SDK1: variants seen among roughly 807,000 people sequenced by gnomAD.
SDK1 encodes the protein protein sidekick-1.
Under a neutral mutation model 245.5 loss-of-function variants are expected in SDK1, and 157 were observed. The ratio of observed to expected loss-of-function variants is 0.64; its 90% CI spans 0.56 to 0.73. SDK1 has a LOEUF of 0.73. Ranked by LOEUF, SDK1 falls within the 30% of genes least tolerant of loss-of-function variation. The probability of loss-of-function intolerance (pLI) is 0.00; values close to 1 mark genes in which losing one functional copy is unlikely to be tolerated. For missense variants in SDK1, 3,583 were observed against 3,002.3 expected (o/e 1.19, Z -4.52); for synonymous variants, 1,647 against 1,278.5 (o/e 1.29, Z -6.15).
intron 1 of SDK1, among the ~76,000 whole-genome samples, chr7:3,331,942 T>TA (rs1318502884): frequency 6.6e-6 from 1 of 152,216 alleles, no homozygotes; most frequent in Non-Finnish European, 1.5e-5. Context: ...AAACATTAGT[T>TA]ACTGCTTACT....
At chr7:4,242,668 G>C (rs1039262301) in intron 43 of SDK1, among the ~76,000 whole-genome samples, 1 of 152,210 alleles carries the variant, frequency 6.6e-6, no homozygotes, top group African/African-American at 2.4e-5. Flanking sequence ...CAGCATCGGG[G>C]TGGAGGAGGC....
chr7:3,535,156 A>G (rs1197116720), intron 1 of SDK1, among the ~76,000 whole-genome samples: 2 of 152,078 alleles, frequency 1.3e-5, no homozygotes, highest in Non-Finnish European at 2.9e-5. Context: ...CGCACCTGTA[A>G]TCCCAGCTAC....
At chr7:3,568,359 T>G (rs1779993776) in intron 1 of SDK1, among the ~76,000 whole-genome samples, 1 of 152,218 alleles carries the variant, frequency 6.6e-6, no homozygotes, top group African/African-American at 2.4e-5. Flanking sequence ...GTGTTCCCAC[T>G]GCTCTTTTTC....
intron 1 of SDK1, among the ~76,000 whole-genome samples, chr7:3,492,922 G>A (rs1781907384): frequency 6.6e-6 from 1 of 152,112 alleles, no homozygotes; most frequent in South Asian, 2.1e-4. Context: ...TGCATGTACT[G>A]TATTCAAAGA....
chr7:3,509,067 G>GGTGTGTGTGT (rs911519846), intron 1 of SDK1, among the ~76,000 whole-genome samples: 1 of 143,410 alleles, frequency 7.0e-6, no homozygotes, highest in African/African-American at 2.7e-5. Flanking sequence ...AGGAAGGTGG[G>GGTGTGTGTGT]GTGTGTGTGT....
In SDK1 at chr7:4,265,896, C is replaced by T; in HGVS notation, c.*512C>T. ...TGAAGAGCAAACGTTTTTCCCTGGG[C>T]TCAGTGCGTTTTGTCCCAACTTCAT... On this transcript the variant is annotated 3_prime_UTR_variant, in exon 45 of 45. Coordinates refer to ENST00000404826, the MANE Select transcript of SDK1 (RefSeq NM_152744.4). 1.0e-6 allele frequency: 1 copy of T among 986,672 alleles called. No homozygotes were observed. The highest frequency in any genetic ancestry group is 1.2e-6 in the Non-Finnish European group (1 of 830,866). 61.1% of individuals were successfully genotyped at this position (986,672 alleles called of 1,614,324 possible). A position where few individuals can be genotyped will look rare whatever the true frequency, so the allele number is the denominator to read the frequency against.
At chr7:3,397,416 T>A (rs562900930) in intron 1 of SDK1, among the ~76,000 whole-genome samples, 64 of 151,948 alleles carry the variant, frequency 4.2e-4, no homozygotes, top group Non-Finnish European at 7.4e-4. Flanking sequence ...TGGGAATATT[T>A]TAATTTTCGT....
intron 4 of SDK1, among the ~76,000 whole-genome samples, chr7:3,748,046 C>A (rs1403410795): frequency 6.6e-6 from 1 of 151,792 alleles, no homozygotes; most frequent in African/African-American, 2.4e-5. Flanking sequence ...ATCACAGTTA[C>A]TATATGTGTT....
intron 5 of SDK1, among the ~76,000 whole-genome samples, chr7:3,831,912 G>A (rs1433319633): frequency 1.3e-5 from 2 of 152,080 alleles, no homozygotes; most frequent in Non-Finnish European, 2.9e-5. Flanking sequence ...CGTGCCAGGT[G>A]TGGTAGTGCA....
chr7:3,748,239 A>G (rs1008130484), intron 4 of SDK1, among the ~76,000 whole-genome samples: 4 of 152,148 alleles, frequency 2.6e-5, no homozygotes, highest in Non-Finnish European at 5.9e-5. Flanking sequence ...TGAACTCTAA[A>G]TTGTTTTTAC....
At chr7:3,672,849 A>ACCTAC (rs1228090958) in intron 4 of SDK1, among the ~76,000 whole-genome samples, 2 of 137,504 alleles carry the variant, frequency 1.5e-5, no homozygotes, top group Non-Finnish European at 3.1e-5. Context: ...CAAAATAGGC[A>ACCTAC]CCTACAATGA....
At chr7:3,553,333 C>G (rs1221381050) in intron 1 of SDK1, among the ~76,000 whole-genome samples, 4 of 152,160 alleles carry the variant, frequency 2.6e-5, no homozygotes, top group African/African-American at 7.2e-5. Flanking sequence ...AGACTTCTAG[C>G]TTGGACAAAA....
chr7:3,550,136 ATG>A (rs2128622835), intron 1 of SDK1, among the ~76,000 whole-genome samples: 1 of 152,278 alleles, frequency 6.6e-6, no homozygotes, highest in Non-Finnish European at 1.5e-5. Flanking sequence ...ACATATTAAT[ATG>A]TGTCTATCTC....
At chr7:3,367,425 C>T (rs942806782) in intron 1 of SDK1, among the ~76,000 whole-genome samples, 3 of 152,308 alleles carry the variant, frequency 2.0e-5, no homozygotes, top group African/African-American at 7.2e-5. Context: ...AGCCAACTGT[C>T]ACAGGGCATC....
At chr7:3,559,031 A>G (rs552535221) in intron 1 of SDK1, among the ~76,000 whole-genome samples, 1 of 152,204 alleles carries the variant, frequency 6.6e-6, no homozygotes, top group Non-Finnish European at 1.5e-5. Context: ...ATCCTGTTGC[A>G]TACAGGATGT....
intron 1 of SDK1, among the ~76,000 whole-genome samples, chr7:3,432,275 T>A (rs1473948863): frequency 6.6e-6 from 1 of 151,896 alleles, no homozygotes; most frequent in Non-Finnish European, 1.5e-5. Context: ...GACATTAGTA[T>A]CATCAAATTG....
chr7:3,721,230 A>G (rs1016987515), intron 4 of SDK1, among the ~76,000 whole-genome samples: 2 of 152,196 alleles, frequency 1.3e-5, no homozygotes, highest in African/African-American at 4.8e-5. Context: ...ATAAAATTGC[A>G]TAGAGTGTAT....
chr7:3,388,040 A>G (rs893438854), intron 1 of SDK1, among the ~76,000 whole-genome samples: 1 of 152,170 alleles, frequency 6.6e-6, no homozygotes, highest in African/African-American at 2.4e-5. Context: ...CATTGTCCTA[A>G]TTTTATTCTA....
intron 35 of SDK1, among the ~76,000 whole-genome samples, chr7:4,200,669 G>T (rs1423083313): frequency 6.6e-6 from 1 of 152,238 alleles, no homozygotes; most frequent in African/African-American, 2.4e-5. Flanking sequence ...GGCTTCCTTA[G>T]CATGGGCTGG....
Sources: gnomAD v4.1 joint callset for allele counts (sites outside exome capture counted in the v4.1 genomes callset) on GRCh38, gnomAD v4.1.1 for gene constraint, MANE v1.5 for transcripts, NCBI Gene and HGNC (gene_info 2026-07-23, HGNC 2026-07-21) for gene names.